Variants in IMMP2L observed in about 807,000 individuals in gnomAD.
The protein encoded by IMMP2L is mitochondrial inner membrane protease subunit 2.
Under a neutral mutation model 19.3 loss-of-function variants are expected in IMMP2L, and 18 were observed. The observed-to-expected ratio is 0.93, with a 90% confidence interval of 0.64 to 1.38. The LOEUF (loss-of-function observed/expected upper bound fraction) is 1.38, where lower values mean the gene tolerates loss of function less well. IMMP2L is among the 40% of genes most tolerant of loss of function. IMMP2L has a pLI of 0.00. For missense variants in IMMP2L, 233 were observed against 218.2 expected (o/e 1.07, Z -0.43); for synonymous variants, 76 against 73.0 (o/e 1.04, Z -0.21).
intron 5 of IMMP2L, among the ~76,000 whole-genome samples, chr7:110,837,554 T>C (rs887076033): frequency 2.0e-5 from 3 of 152,150 alleles, no homozygotes; most frequent in African/African-American, 7.2e-5. Context: ...GAAGTTATTA[T>C]TAAATTTTCT....
chr7:111,025,014 A>T (rs1276328289), intron 3 of IMMP2L, among the ~76,000 whole-genome samples: 2 of 152,216 alleles, frequency 1.3e-5, no homozygotes, highest in Non-Finnish European at 2.9e-5. Flanking sequence ...TTACCAAATT[A>T]TCAGATTCTC....
In IMMP2L at chr7:110,785,322, T is replaced by C. The variant is rs146869855; in HGVS notation, c.408+101271A>G. On this transcript the variant is annotated intron_variant, in intron 5 of 5. Coordinates refer to ENST00000405709, the MANE Select transcript of IMMP2L (RefSeq NM_032549.4). ...GTAATGGTCATTTTAAAATAATATA[T>C]CTTCTTATTAAATGTCTCTAATTCT... is the stretch of plus-strand genomic sequence containing the variant. Among the ~76,000 whole-genome samples the C allele has an allele frequency of 4.6e-5, 7 of 152,098 alleles. No homozygotes were observed. The East Asian group carries it at 1.4e-3, about 30-fold the overall frequency.
chr7:110,951,762 A>G (rs1265443568), intron 4 of IMMP2L, among the ~76,000 whole-genome samples: 1 of 152,086 alleles, frequency 6.6e-6, no homozygotes, highest in East Asian at 1.9e-4. Context: ...ATATCATGCT[A>G]TTCTTCATTG....
intron 3 of IMMP2L, among the ~76,000 whole-genome samples, chr7:111,134,670 T>G (rs1802164106): frequency 1.3e-5 from 2 of 152,078 alleles, no homozygotes; most frequent in Admixed American, 1.3e-4. Context: ...ATGAAAATAG[T>G]TATTTTTCAA....
chr7:110,811,929 G>A (rs187058700), intron 5 of IMMP2L, among the ~76,000 whole-genome samples: 5 of 152,094 alleles, frequency 3.3e-5, no homozygotes, highest in Admixed American at 6.6e-5. Flanking sequence ...ACAGGCATAT[G>A]ACCTAAGCCA....
At chr7:111,032,489 G>C (rs1790929770) in intron 3 of IMMP2L, among the ~76,000 whole-genome samples, 1 of 152,100 alleles carries the variant, frequency 6.6e-6, no homozygotes, top group South Asian at 2.1e-4. Context: ...AAAAAGAGCT[G>C]TTAAAATTTA....
chr7:111,519,322 A>G (rs1846142478), intron 2 of IMMP2L, among the ~76,000 whole-genome samples: 1 of 152,088 alleles, frequency 6.6e-6, no homozygotes, highest in Non-Finnish European at 1.5e-5. Context: ...CAACTGTCTC[A>G]CTCGTGCCTT....
chr7:111,344,801 T>A (rs917725773), intron 3 of IMMP2L, among the ~76,000 whole-genome samples: 5 of 152,152 alleles, frequency 3.3e-5, no homozygotes, highest in Admixed American at 3.3e-4. Context: ...TAGATCGCTG[T>A]TACCTTAGGA....
At chr7:111,471,617 T>C (rs1841279152) in intron 3 of IMMP2L, among the ~76,000 whole-genome samples, 1 of 152,154 alleles carries the variant, frequency 6.6e-6, no homozygotes, top group Non-Finnish European at 1.5e-5. Flanking sequence ...TTAGATCTAT[T>C]GGGTTAGAAA....
At chr7:111,136,478 G>C (rs1214598354) in intron 3 of IMMP2L, among the ~76,000 whole-genome samples, 3 of 152,152 alleles carry the variant, frequency 2.0e-5, no homozygotes, top group Admixed American at 6.5e-5. Context: ...AGCCCTGCAA[G>C]TTATTGATTA....
chr7:111,474,162 G>A (rs921732878), intron 3 of IMMP2L, among the ~76,000 whole-genome samples: 1 of 151,928 alleles, frequency 6.6e-6, no homozygotes, highest in Non-Finnish European at 1.5e-5. Flanking sequence ...TAGACACTGG[G>A]GACTACTTGA....
intron 3 of IMMP2L, among the ~76,000 whole-genome samples, chr7:111,382,768 TC>T (rs1831330037): frequency 6.6e-6 from 1 of 152,008 alleles, no homozygotes; most frequent in Non-Finnish European, 1.5e-5. Flanking sequence ...CACCTCTTCG[TC>T]CAGAAATGAA....
chr7:110,883,192 G>A (rs1488346350), intron 5 of IMMP2L, among the ~76,000 whole-genome samples: 1 of 151,830 alleles, frequency 6.6e-6, no homozygotes. Context: ...CTTTTCACTG[G>A]TTTTTAAAAC....
intron 4 of IMMP2L, among the ~76,000 whole-genome samples, chr7:110,893,926 C>T (rs1286039084): frequency 6.6e-6 from 1 of 152,044 alleles, no homozygotes; most frequent in Non-Finnish European, 1.5e-5. Flanking sequence ...GTAGCCTTTA[C>T]CTTCTCTCCA....
chr7:110,922,897 G>A (rs368954724), intron 4 of IMMP2L, among the ~76,000 whole-genome samples: 4 of 152,184 alleles, frequency 2.6e-5, no homozygotes, highest in East Asian at 3.8e-4. Flanking sequence ...AACCTGGGAA[G>A]TGGTGGACTC....
intron 5 of IMMP2L, among the ~76,000 whole-genome samples, chr7:110,723,646 G>A (rs1795713443): frequency 6.6e-6 from 1 of 152,002 alleles, no homozygotes; most frequent in Admixed American, 6.6e-5. Flanking sequence ...ATAAAATGCT[G>A]TTTGTAAAGA....
chr7:111,419,533 G>A (rs1449558057), intron 3 of IMMP2L, among the ~76,000 whole-genome samples: 1 of 151,716 alleles, frequency 6.6e-6, no homozygotes, highest in Admixed American at 6.6e-5. Context: ...CCTTTGGAGA[G>A]GCTAATCAGA....
intron 3 of IMMP2L, among the ~76,000 whole-genome samples, chr7:111,337,685 T>C (rs541271323): frequency 1.3e-5 from 2 of 151,012 alleles, no homozygotes; most frequent in South Asian, 4.2e-4. Context: ...GTATGGACAG[T>C]TGAATGGGCA....
intron 3 of IMMP2L, among the ~76,000 whole-genome samples, chr7:111,126,745 T>A (rs1432637811): frequency 2.0e-5 from 3 of 152,188 alleles, no homozygotes; most frequent in Non-Finnish European, 4.4e-5. Flanking sequence ...GAAGTATTTT[T>A]GTACAAAGCA....
Sources: gnomAD v4.1 joint callset for allele counts (sites outside exome capture counted in the v4.1 genomes callset) on GRCh38, gnomAD v4.1.1 for gene constraint, MANE v1.5 for transcripts, NCBI Gene and HGNC (gene_info 2026-07-23, HGNC 2026-07-21) for gene names.